The following CNBD1 variants were observed in gnomAD, a reference collection of about 807,000 sequenced individuals.
CNBD1 encodes the protein cyclic nucleotide-binding domain-containing protein 1.
In CNBD1, 71 loss-of-function variants were observed where a neutral mutation model predicts 54.4. The observed-to-expected ratio is 1.30, with a 90% CI of 1.08 to 1.59. The LOEUF is 1.59. CNBD1 is among the 40% of genes most tolerant of loss of function. The pLI is 0.00. For missense variants in CNBD1, 659 were observed against 518.0 expected, an observed-to-expected ratio of 1.27 and a Z score of -2.64; for synonymous variants, 182 against 170.7, an observed-to-expected ratio of 1.07 and a Z score of -0.51.
chr8:87,307,134 C>G (rs62528138), intron 8 of CNBD1, among the ~76,000 whole-genome samples: 1 of 152,028 alleles, frequency 6.6e-6, no homozygotes, highest in African/African-American at 2.4e-5. Context: ...CTAACAGATT[C>G]GTCTTAGATT....
intron 8 of CNBD1, among the ~76,000 whole-genome samples, chr8:87,320,661 A>C (rs889666651): frequency 2.0e-4 from 31 of 151,982 alleles, no homozygotes; most frequent in African/African-American, 7.2e-4. Context: ...GAAGTCACAA[A>C]AAATACAGTA....
intron 4 of CNBD1, among the ~76,000 whole-genome samples, chr8:87,057,438 C>G (rs577573428): frequency 6.6e-6 from 1 of 152,244 alleles, no homozygotes; most frequent in East Asian, 1.9e-4. Flanking sequence ...CCCACTGGGC[C>G]CCTGCCATGA....
chr8:87,096,766 G>C (rs1811328151), intron 4 of CNBD1, among the ~76,000 whole-genome samples: 3 of 151,796 alleles, frequency 2.0e-5, no homozygotes, highest in African/African-American at 7.3e-5. Flanking sequence ...ACAGAGATGA[G>C]AGGCTTTGCT....
Position 87,306,117 on chromosome 8 carries a change from G to A in CNBD1, c.1042+19446G>A, listed in dbSNP as rs189556164. Among the ~76,000 whole-genome samples the A allele has an allele frequency of 3.2e-3, 483 of 152,228 alleles. 2 individuals are homozygous for A. The highest frequency in any genetic ancestry group is 0.011 in the African/African-American group (456 of 41,548). ...GGACATGAATAGACAATTCCCAAAA[G>A]AAGATATACAAATGTCCAACAAACA... is the stretch of plus-strand genomic sequence containing the variant. On this transcript the variant is annotated intron_variant, in intron 8 of 10. Transcript: ENST00000518476.
intron 1 of CNBD1, among the ~76,000 whole-genome samples, chr8:86,881,409 C>T (rs1351256879): frequency 1.3e-5 from 2 of 152,000 alleles, no homozygotes; most frequent in Non-Finnish European, 2.9e-5. Context: ...GAGTGAATTC[C>T]CATTAACAAT....
At chr8:86,964,290 T>A (rs2130476823) in intron 4 of CNBD1, among the ~76,000 whole-genome samples, 1 of 152,296 alleles carries the variant, frequency 6.6e-6, no homozygotes, top group Middle Eastern at 3.4e-3. Context: ...TGTAAGGGCT[T>A]CCTTTTCCAT....
chr8:87,297,248 A>G (rs552710607), intron 8 of CNBD1, among the ~76,000 whole-genome samples: 71 of 152,114 alleles, frequency 4.7e-4, no homozygotes, highest in Admixed American at 1.6e-3. Context: ...TATGTGACCA[A>G]CATAAAAATT....
intron 8 of CNBD1, among the ~76,000 whole-genome samples, chr8:87,298,465 G>A (rs13248225): frequency 0.37 from 55,109 of 150,182 alleles, 10,453 homozygotes; most frequent in Middle Eastern, 0.45. Flanking sequence ...AGCTTCAAAT[G>A]TGCCTTGGTT....
chr8:87,378,107 T>G (rs879821652), intron 10 of CNBD1, among the ~76,000 whole-genome samples: 1,554 of 144,794 alleles, frequency 0.011, 20 homozygotes, highest in Middle Eastern at 0.038. Flanking sequence ...GTAAGTTGCC[T>G]GTTCACTCTG....
chr8:87,089,711 G>A (rs1811168039), intron 4 of CNBD1, among the ~76,000 whole-genome samples: 1 of 152,026 alleles, frequency 6.6e-6, no homozygotes, highest in Non-Finnish European at 1.5e-5. Flanking sequence ...GTAACTGAAA[G>A]GTGAGAAAAT....
In CNBD1 at chr8:87,075,136, G is replaced by A. The variant is rs571933680; in HGVS notation, c.432-130857G>A. ...ATGGCACATAGTGAGCATATATGAAGTTAATCACTCATTTAAAAATATTTT... is the reference window on the plus strand; with the variant it reads ...ATGGCACATAGTGAGCATATATGAAATTAATCACTCATTTAAAAATATTTT... On this transcript the variant is annotated intron_variant, in intron 4 of 10. Coordinates refer to ENST00000518476, the MANE Select transcript of CNBD1 (RefSeq NM_173538.3). Among the ~76,000 whole-genome samples the A allele has an allele frequency of 9.2e-5, 14 of 152,262 alleles. No homozygotes were observed. In the South Asian group the frequency reaches 2.9e-3, roughly 32 times the overall value.
Position 86,952,795 on chromosome 8 carries a change from G to A in CNBD1, c.431+13041G>A, listed in dbSNP as rs575790969. 1.1e-4 allele frequency among the ~76,000 whole-genome samples: 17 copies of A among 152,080 alleles called. No individual in the cohort carries two copies. In the East Asian group the frequency reaches 2.1e-3, roughly 19 times the overall value. On this transcript the variant is annotated intron_variant, in intron 4 of 10. Transcript: ENST00000518476. ...TAAATCTGTGGTATAAACCATCACC[G>A]CAATTTAGATAATGAACATAATCAA...
intron 8 of CNBD1, among the ~76,000 whole-genome samples, chr8:87,342,672 G>C (rs560938024): frequency 6.6e-6 from 1 of 152,172 alleles, no homozygotes; most frequent in Non-Finnish European, 1.5e-5. Flanking sequence ...CATATTGGTA[G>C]GGCCGTGATG....
At chr8:87,352,067 C>G (rs1232681947) in intron 9 of CNBD1, among the ~76,000 whole-genome samples, 1 of 152,012 alleles carries the variant, frequency 6.6e-6, no homozygotes, top group East Asian at 1.9e-4. Flanking sequence ...AAGTTAAAAC[C>G]ATAGCCAGGT....
At chr8:87,136,779 ATT>A (rs1812242197) in intron 4 of CNBD1, among the ~76,000 whole-genome samples, 1 of 14,170 alleles carries the variant, frequency 7.1e-5, no homozygotes, top group African/African-American at 4.3e-4. Context: ...TTATATTTAT[ATT>A]ATATATAAAT....
In CNBD1 at chr8:87,166,759, A is replaced by T. The variant is rs1468108787; in HGVS notation, c.432-39234A>T. On this transcript the variant is annotated intron_variant, in intron 4 of 10. Transcript: ENST00000518476. The surrounding 1 kb of genome is among the most constrained non-coding windows in gnomAD (Gnocchi z 4.3). ...AAAATTTTATGACAGCCTCCGTTGC[A>T]TATTTTGTTTACCCTTGCATTTCTC... Among the ~76,000 whole-genome samples the T allele has an allele frequency of 6.6e-6, 1 of 151,926 alleles. No individual in the cohort carries two copies. The highest frequency in any genetic ancestry group is 1.9e-4 in the East Asian group (1 of 5,176).
intron 5 of CNBD1, among the ~76,000 whole-genome samples, chr8:87,229,987 T>A (rs1220272494): frequency 6.6e-6 from 1 of 152,170 alleles, no homozygotes; most frequent in Non-Finnish European, 1.5e-5. Flanking sequence ...AATTGCCTCA[T>A]GGTACCACAG....
Position 87,237,036 on chromosome 8 carries a change from T to A in CNBD1, c.695T>A (p.Phe232Tyr), listed in dbSNP as rs758780978. The A allele has an allele frequency of 5.6e-6, 9 of 1,612,228 alleles. No homozygotes were observed. In the South Asian group the frequency reaches 9.9e-5, roughly 18 times the overall value. ...CCAGACTCGTTCATATCTCAGAGTT[T>A]CCACAGCTTCATTTGGAGTGAAGAA... The part of the protein sequence containing the change: ...DSPDSFISQS[F>Y]HSFIWSEEFK... The change falls in exon 6 of 11, where the codon TTC (phenylalanine) becomes TAC (tyrosine). Residue 232 changes from phenylalanine to tyrosine, a missense_variant. Phe to Tyr is a conservative substitution (Grantham distance 22). Transcript: ENST00000518476.
At chr8:87,373,289 T>C (rs1810857760) in intron 10 of CNBD1, among the ~76,000 whole-genome samples, 1 of 151,824 alleles carries the variant, frequency 6.6e-6, no homozygotes, top group African/African-American at 2.4e-5. Context: ...TATAGCGGTA[T>C]TAGTTTAATG....
Sources: allele counts gnomAD v4.1 joint callset (sites outside exome capture counted in the v4.1 genomes callset), GRCh38; gene constraint gnomAD v4.1.1; non-coding constraint Gnocchi (gnomAD v3.1); transcripts MANE v1.5; gene names NCBI Gene and HGNC (gene_info 2026-07-23, HGNC 2026-07-21).